BST1: variants seen among roughly 807,000 people sequenced by gnomAD.
The protein encoded by BST1 is bone marrow stromal cell antigen 1.
BST1 carries 49 observed loss-of-function variants against 40.6 expected under a neutral mutation model. The ratio of observed to expected loss-of-function variants is 1.21; its 90% CI spans 0.96 to 1.53. The LOEUF is 1.53. Among genes scored for constraint, BST1 ranks in the 40% most tolerant of loss-of-function variants. The probability of loss-of-function intolerance (pLI) is 0.00; values close to 1 mark genes in which losing one functional copy is unlikely to be tolerated. For synonymous variants in BST1, 157 were observed against 159.3 expected (o/e 0.99, Z 0.11); for missense variants, 423 against 395.9 (o/e 1.07, Z -0.58).
At chr4:15,710,831 C>T (rs145480838) in intron 3 of BST1, among the ~76,000 whole-genome samples, 1 of 151,898 alleles carries the variant, frequency 6.6e-6, no homozygotes, top group East Asian at 1.9e-4. Context: ...TGTGTGTCAC[C>T]CAGGCCAGAG....
intron 2 of BST1, among the ~76,000 whole-genome samples, chr4:15,706,856 G>A (rs1719905408): frequency 6.6e-6 from 1 of 152,152 alleles, no homozygotes; most frequent in Non-Finnish European, 1.5e-5. Flanking sequence ...AGTCATTGGT[G>A]CTAAGGGTTA....
chr4:15,744,929 T>C, the BST1 span, among the ~76,000 whole-genome samples: 3 of 152,260 alleles, frequency 2.0e-5, no homozygotes, highest in Non-Finnish European at 4.4e-5. Flanking sequence ...TCATCACTTC[T>C]AGACATGCTA....
rs1406690113 is a variant in BST1 at position 15,731,780 on chromosome 4, A to G, written c.892A>G (p.Thr298Ala). Residue 298 changes from threonine to alanine, a missense_variant, in exon 9 of 9, where the codon ACA becomes GCA. Thr to Ala is a moderately conservative substitution (Grantham distance 58, BLOSUM62 0). Transcript: ENST00000265016. ...TCAAAGAAAAGCCCCAAGTCTTTAT[A>G]CAGAACAAAGGGCGGGTCTTATCAT... ...ATQRKAPSLY[T>A]EQRAGLIIPL... 1 of 1,613,778 alleles carries G rather than the reference A, an allele frequency of 6.2e-7. No individual in the cohort carries two copies.
At chr4:15,751,532 T>C in the BST1 span, among the ~76,000 whole-genome samples, 1 of 152,286 alleles carries the variant, frequency 6.6e-6, no homozygotes, top group Middle Eastern at 3.4e-3. Flanking sequence ...GAAGATTCAA[T>C]ACTCTTCCTA....
the BST1 span, among the ~76,000 whole-genome samples, chr4:15,751,257 G>T: frequency 6.6e-6 from 1 of 152,156 alleles, no homozygotes; most frequent in Non-Finnish European, 1.5e-5. Flanking sequence ...AGTCTGTGCG[G>T]TGGTTAGGCC....
Position 15,703,303 on chromosome 4 carries a change from G to A in BST1, c.159G>A (p.Glu53=). The part of the protein sequence containing the change: ...LRDIFLGRCA[E]YRALLSPEQR... ...ACATCTTCCTGGGCCGCTGCGCCGA[G>A]TACCGCGCACTGCTGAGTCCCGAGC... The change falls in exon 1 of 9, where the codon GAG becomes GAA. Residue 53 remains glutamate (E), a synonymous_variant. Transcript: ENST00000265016. The A allele has an allele frequency of 7.8e-6, 12 of 1,528,876 alleles. No individual in the cohort carries two copies. Among genetic ancestry groups the A allele is most frequent in the Non-Finnish European group, 1.0e-5 (12 of 1,144,502 alleles). 94.7% of individuals were successfully genotyped at this position (1,528,876 alleles called of 1,614,324 possible).
At chr4:15,723,247 T>G (rs979660815) in intron 8 of BST1, among the ~76,000 whole-genome samples, 1 of 151,060 alleles carries the variant, frequency 6.6e-6, no homozygotes, top group Non-Finnish European at 1.5e-5. Flanking sequence ...TCACACTACC[T>G]TTTTTTTTGG....
At chr4:15,767,070 C>T in the BST1 span, among the ~76,000 whole-genome samples, 1 of 151,928 alleles carries the variant, frequency 6.6e-6, no homozygotes, top group East Asian at 1.9e-4. Flanking sequence ...TCTGCTAACC[C>T]TGCCCCTCCA....
the BST1 span, among the ~76,000 whole-genome samples, chr4:15,760,633 T>C: frequency 6.6e-6 from 1 of 151,526 alleles, no homozygotes; most frequent in Admixed American, 6.6e-5. Context: ...CTGGTAAAAA[T>C]ATAATTTTTC....
chr4:15,707,905 C>T (rs1418398946), intron 3 of BST1, among the ~76,000 whole-genome samples: 1 of 139,780 alleles, frequency 7.2e-6, no homozygotes, highest in African/African-American at 2.7e-5. Context: ...ATATACATAT[C>T]TATACATATC....
intron 3 of BST1, among the ~76,000 whole-genome samples, chr4:15,708,143 C>T (rs762750422): frequency 2.6e-5 from 4 of 152,026 alleles, no homozygotes; most frequent in African/African-American, 4.8e-5. Context: ...GAAGCTGAGG[C>T]TTAGGGAGGT....
At chr4:15,768,063 C>T in the BST1 span, among the ~76,000 whole-genome samples, 1 of 152,154 alleles carries the variant, frequency 6.6e-6, no homozygotes, top group Non-Finnish European at 1.5e-5. Flanking sequence ...TCCTTTCTAC[C>T]TTTCAGCACA....
chr4:15,704,877 A>ACG (rs751244785), intron 1 of BST1: 2 of 704,942 alleles, frequency 2.8e-6, no homozygotes, highest in Non-Finnish European at 5.2e-6. Flanking sequence ...TATGTTTGTG[A>ACG]TGTCTTTCTT....
chr4:15,747,080 T>A, the BST1 span, among the ~76,000 whole-genome samples: 1 of 152,174 alleles, frequency 6.6e-6, no homozygotes, highest in East Asian at 1.9e-4. Context: ...CTTACAGGAC[T>A]TCCTCTCCCT....
At chr4:15,763,855 A>G in the BST1 span, among the ~76,000 whole-genome samples, 2 of 152,048 alleles carry the variant, frequency 1.3e-5, no homozygotes, top group South Asian at 4.1e-4. Flanking sequence ...GCTGTATGAC[A>G]TTGTGGAAAA....
At chr4:15,754,628 AT>A in the BST1 span, among the ~76,000 whole-genome samples, 1 of 152,230 alleles carries the variant, frequency 6.6e-6, no homozygotes, top group Non-Finnish European at 1.5e-5. Context: ...CTGATGAAGT[AT>A]TTGATAAGCA....
the BST1 span, among the ~76,000 whole-genome samples, chr4:15,754,835 C>A: frequency 6.6e-6 from 1 of 152,228 alleles, no homozygotes; most frequent in Admixed American, 6.5e-5. Context: ...TCCCACACCT[C>A]TAATTCGGAT....
At chr4:15,770,403 G>C in the BST1 span, among the ~76,000 whole-genome samples, 1 of 151,970 alleles carries the variant, frequency 6.6e-6, no homozygotes, top group East Asian at 1.9e-4. Context: ...CTTTTCAAAG[G>C]CTTCCTAAAA....
intron 8 of BST1, chr4:15,723,697 T>G (rs1179965324): frequency 1.8e-5 from 16 of 866,282 alleles, no homozygotes; most frequent in South Asian, 1.6e-4. Context: ...GTAGGATAGA[T>G]TCCCAGAAAT....
Sources: gnomAD v4.1 joint callset for allele counts (sites outside exome capture counted in the v4.1 genomes callset) on GRCh38, gnomAD v4.1.1 for gene constraint, MANE v1.5 for transcripts, NCBI Gene and HGNC (gene_info 2026-07-23, HGNC 2026-07-21) for gene names.